OPCML: variants seen among roughly 807,000 people sequenced by gnomAD.
The protein encoded by OPCML is opioid binding protein/cell adhesion molecule like, also known as opioid-binding protein/cell adhesion molecule.
OPCML carries 13 observed loss-of-function variants against 37.8 expected under a neutral mutation model. The ratio of observed to expected loss-of-function variants is 0.34; its 90% confidence interval spans 0.22 to 0.55. The LOEUF is 0.55. Among genes scored for constraint, OPCML ranks in the 20% least tolerant of loss-of-function variants. The probability of loss-of-function intolerance (pLI) is 0.91; values close to 1 mark genes in which losing one functional copy is unlikely to be tolerated. For synonymous variants in OPCML, 176 were observed against 168.8 expected (o/e 1.04, Z -0.33); for missense variants, 341 against 435.6 (o/e 0.78, Z 1.93).
intron 1 of OPCML, among the ~76,000 whole-genome samples, chr11:133,295,075 C>T (rs1234428159): frequency 1.3e-5 from 2 of 151,910 alleles, no homozygotes; most frequent in East Asian, 1.9e-4. Flanking sequence ...CCACCTGCCT[C>T]GGCCTCCCAA....
At chr11:132,609,883 G>A (rs1938536582) in intron 3 of OPCML, among the ~76,000 whole-genome samples, 1 of 152,166 alleles carries the variant, frequency 6.6e-6, no homozygotes, top group East Asian at 1.9e-4. Flanking sequence ...GGAAGGTGCT[G>A]ACATCTACTT....
chr11:132,840,815 G>C (rs754888283), intron 2 of OPCML, among the ~76,000 whole-genome samples: 1 of 152,020 alleles, frequency 6.6e-6, no homozygotes, highest in Non-Finnish European at 1.5e-5. Flanking sequence ...GAGAATGCTC[G>C]TTAGAAAAAT....
chr11:133,000,674 T>C (rs1946981252), intron 1 of OPCML, among the ~76,000 whole-genome samples: 1 of 152,194 alleles, frequency 6.6e-6, no homozygotes, highest in Non-Finnish European at 1.5e-5. Flanking sequence ...CACTCTCTTT[T>C]CATTTAAACA....
At chr11:132,510,720 T>C (rs1307184565) in intron 4 of OPCML, among the ~76,000 whole-genome samples, 1 of 152,124 alleles carries the variant, frequency 6.6e-6, no homozygotes, top group East Asian at 1.9e-4. Flanking sequence ...AACTGTTAAG[T>C]CCAATTAAAC....
chr11:132,723,720 A>C (rs138232816), intron 2 of OPCML, among the ~76,000 whole-genome samples: 1 of 152,174 alleles, frequency 6.6e-6, no homozygotes, highest in African/African-American at 2.4e-5. Flanking sequence ...CCCTCCAGGC[A>C]CTGTTGTTAA....
At chr11:133,101,576 G>A (rs1182209246) in intron 1 of OPCML, among the ~76,000 whole-genome samples, 2 of 152,196 alleles carry the variant, frequency 1.3e-5, no homozygotes, top group African/African-American at 4.8e-5. Context: ...AAATGTTGAT[G>A]AGGATGTGAT....
chr11:132,871,172 T>C (rs1223770552), intron 2 of OPCML, among the ~76,000 whole-genome samples: 2 of 151,520 alleles, frequency 1.3e-5, no homozygotes, highest in African/African-American at 4.9e-5. Flanking sequence ...AAGATAAATA[T>C]GTACATGTTC....
intron 1 of OPCML, among the ~76,000 whole-genome samples, chr11:133,140,169 AGAGT>A (rs1282810868): frequency 6.1e-4 from 85 of 138,724 alleles, no homozygotes; most frequent in African/African-American, 2.3e-3. Flanking sequence ...CCTGGGCGAC[AGAGT>A]GAGACTCCGT....
chr11:133,054,710 A>G (rs903440781), intron 1 of OPCML, among the ~76,000 whole-genome samples: 1 of 152,234 alleles, frequency 6.6e-6, no homozygotes, highest in Non-Finnish European at 1.5e-5. Context: ...AGAGAGTCCA[A>G]CTGCCTCTTC....
At chr11:133,170,006 T>A (rs544649495) in intron 1 of OPCML, among the ~76,000 whole-genome samples, 146 of 152,178 alleles carry the variant, frequency 9.6e-4, no homozygotes, top group Non-Finnish European at 2.0e-3. Context: ...AAAAAAGTTA[T>A]AAAAGGTTGA....
chr11:132,712,405 G>A (rs527332391), intron 2 of OPCML, among the ~76,000 whole-genome samples: 1 of 152,184 alleles, frequency 6.6e-6, no homozygotes, highest in Admixed American at 6.5e-5. Context: ...CTCGGTGGAA[G>A]AGCTGTCACG....
intron 1 of OPCML, among the ~76,000 whole-genome samples, chr11:133,038,584 ATAACT>A (rs1486980115): frequency 6.6e-6 from 1 of 152,200 alleles, no homozygotes; most frequent in African/African-American, 2.4e-5. Flanking sequence ...TAGAGAATGC[ATAACT>A]TAACTCTTTT....
chr11:133,412,445 G>T (rs1450909350), intron 1 of OPCML, among the ~76,000 whole-genome samples: 1 of 152,144 alleles, frequency 6.6e-6, no homozygotes, highest in African/African-American at 2.4e-5. Context: ...CAGTTTCCTG[G>T]GTGCAGAGCA....
At chr11:133,148,843 G>T (rs2137185020) in intron 1 of OPCML, among the ~76,000 whole-genome samples, 1 of 152,296 alleles carries the variant, frequency 6.6e-6, no homozygotes, top group African/African-American at 2.4e-5. Flanking sequence ...AGCTGCCTTA[G>T]ATGACAGCTG....
intron 2 of OPCML, among the ~76,000 whole-genome samples, chr11:132,675,151 A>C (rs1437628440): frequency 7.9e-6 from 1 of 126,180 alleles, no homozygotes; most frequent in African/African-American, 3.3e-5. Flanking sequence ...GCCCATATAT[A>C]TGTATGTGTG....
At chr11:132,871,918 G>A (rs1478779225) in intron 2 of OPCML, among the ~76,000 whole-genome samples, 1 of 152,060 alleles carries the variant, frequency 6.6e-6, no homozygotes, top group African/African-American at 2.4e-5. Context: ...TCCCTTTACC[G>A]AACCTGCCTC....
chr11:133,333,910 A>G (rs564556637), intron 1 of OPCML, among the ~76,000 whole-genome samples: 1 of 152,362 alleles, frequency 6.6e-6, no homozygotes, highest in South Asian at 2.1e-4. Flanking sequence ...ATCACTGATC[A>G]TTAGAGAAAT....
intron 2 of OPCML, among the ~76,000 whole-genome samples, chr11:132,808,341 C>T (rs1423392957): frequency 6.6e-6 from 1 of 152,202 alleles, no homozygotes. Context: ...AGCAGGAAGA[C>T]CTGCCTGAAA....
intron 3 of OPCML, among the ~76,000 whole-genome samples, chr11:132,535,268 G>A (rs893163094): frequency 6.6e-6 from 1 of 151,920 alleles, no homozygotes; most frequent in South Asian, 2.1e-4. Flanking sequence ...TGAGCTATTG[G>A]GCCTAAGCAA....
Sources: allele counts gnomAD v4.1 joint callset (sites outside exome capture counted in the v4.1 genomes callset), GRCh38; gene constraint gnomAD v4.1.1; transcripts MANE v1.5; gene names NCBI Gene and HGNC (gene_info 2026-07-23, HGNC 2026-07-21).